The following RGS22 variants were observed in gnomAD, a reference collection of about 807,000 sequenced individuals.
RGS22 encodes the protein regulator of G protein signaling 22.
A neutral mutation model predicts 172.9 loss-of-function variants in RGS22; 148 were observed. The observed-to-expected ratio is 0.86, with a 90% CI of 0.75 to 0.98. The LOEUF (loss-of-function observed/expected upper bound fraction) is 0.98. Ranked by LOEUF, RGS22 falls within the 50% of genes least tolerant of loss-of-function variation. The pLI is 0.00. For synonymous variants in RGS22, 458 were observed against 480.2 expected (o/e 0.95, Z 0.60); for missense variants, 1,347 against 1,440.8 (o/e 0.93, Z 1.05).
At chr8:99,987,165 G>A (rs1175507812) in intron 21 of RGS22, among the ~76,000 whole-genome samples, 1 of 152,086 alleles carries the variant, frequency 6.6e-6, no homozygotes, top group Non-Finnish European at 1.5e-5. Flanking sequence ...TAAGTATCAT[G>A]TTGGCACTCA....
At chr8:100,043,199 T>G (rs1820327500) in intron 11 of RGS22, among the ~76,000 whole-genome samples, 2 of 152,208 alleles carry the variant, frequency 1.3e-5, no homozygotes, top group Non-Finnish European at 2.9e-5. Flanking sequence ...AAATCATTCT[T>G]GGTATGAACA....
intron 14 of RGS22, among the ~76,000 whole-genome samples, chr8:100,023,354 C>T (rs948692248): frequency 6.6e-6 from 1 of 152,112 alleles, no homozygotes; most frequent in African/African-American, 2.4e-5. Flanking sequence ...TCAAGGTCTG[C>T]CTCTGAGACA....
intron 14 of RGS22, among the ~76,000 whole-genome samples, chr8:100,013,967 T>G (rs1219935396): frequency 2.0e-5 from 3 of 152,218 alleles, no homozygotes; most frequent in African/African-American, 7.2e-5. Context: ...ATCAAAAAGT[T>G]TGTTACATTT....
At chr8:100,023,121 A>T (rs1356532603) in intron 14 of RGS22, among the ~76,000 whole-genome samples, 1 of 152,208 alleles carries the variant, frequency 6.6e-6, no homozygotes, top group Non-Finnish European at 1.5e-5. Flanking sequence ...GATACATGAA[A>T]CCAGAGTATC....
chr8:100,076,551 T>C (rs753601322), intron 4 of RGS22, among the ~76,000 whole-genome samples: 1 of 152,242 alleles, frequency 6.6e-6, no homozygotes, highest in Non-Finnish European at 1.5e-5. Flanking sequence ...CTTTTAAGTG[T>C]TTGACAGAAT....
intron 11 of RGS22, among the ~76,000 whole-genome samples, chr8:100,043,073 T>G (rs1202082598): frequency 6.6e-6 from 1 of 152,230 alleles, no homozygotes; most frequent in Non-Finnish European, 1.5e-5. Context: ...CCCTAATCTT[T>G]CTGATCTATT....
chr8:100,002,338 A>G lies in RGS22; in HGVS notation c.2654T>C (p.Ile885Thr), dbSNP rs767130882. The G allele has an allele frequency of 1.2e-6, 2 of 1,610,726 alleles. No individual in the cohort carries two copies. The highest frequency in any genetic ancestry group is 1.7e-6 in the Non-Finnish European group (2 of 1,179,122). Reference protein sequence around the residue: ...SSMDLMCWTDIEQFRRITYRD... With the variant: ...SSMDLMCWTDTEQFRRITYRD... ...GTAAGTTATTCTCCGGAACTGCTCA[A>G]TGTCTGTCCAGCACATAAGATCCAT... is the stretch of plus-strand genomic sequence containing the variant. Residue 885 changes from isoleucine (I) to threonine (T), a missense_variant, in exon 18 of 28, where the codon ATT becomes ACT. By Grantham distance (89) the Ile-to-Thr change is moderately conservative. Coordinates refer to ENST00000360863, the MANE Select transcript of RGS22 (RefSeq NM_015668.5).
chr8:100,091,272 A>G (rs1474839221), intron 3 of RGS22, among the ~76,000 whole-genome samples: 2 of 150,734 alleles, frequency 1.3e-5, no homozygotes, highest in African/African-American at 4.9e-5. Context: ...TGTGATCCTG[A>G]ATGTAGATGC....
At chr8:100,077,988 G>A (rs1019813918) in intron 4 of RGS22, among the ~76,000 whole-genome samples, 10 of 151,992 alleles carry the variant, frequency 6.6e-5, no homozygotes, top group Admixed American at 1.3e-4. Context: ...TTTATCCATA[G>A]TAAGATTCCT....
intron 7 of RGS22, 130 bp downstream of exon 7, chr8:100,066,037 G>T: frequency 2.9e-6 from 2 of 692,364 alleles, no homozygotes; most frequent in Non-Finnish European, 4.4e-6. Context: ...AACATAGGAA[G>T]TCGAGTGAGG....
At chr8:100,086,509 C>G (rs1019963779) in intron 3 of RGS22, among the ~76,000 whole-genome samples, 1 of 151,880 alleles carries the variant, frequency 6.6e-6, no homozygotes, top group Non-Finnish European at 1.5e-5. Context: ...AACTAAACAT[C>G]GAGTGCTCAT....
intron 14 of RGS22, among the ~76,000 whole-genome samples, chr8:100,038,335 T>G (rs1055121968): frequency 4.4e-4 from 10 of 22,480 alleles, no homozygotes; most frequent in Non-Finnish European, 8.2e-4. Context: ...CCCCCTCTAT[T>G]TTTTTTTTTC....
At chr8:100,099,756 A>C (rs538524205) in intron 2 of RGS22, among the ~76,000 whole-genome samples, 2 of 152,340 alleles carry the variant, frequency 1.3e-5, no homozygotes, top group East Asian at 3.9e-4. Context: ...CACTTTACAA[A>C]GGACCTCTGG....
intron 3 of RGS22, among the ~76,000 whole-genome samples, chr8:100,087,602 G>A (rs539229094): frequency 6.6e-6 from 1 of 152,236 alleles, no homozygotes; most frequent in African/African-American, 2.4e-5. Flanking sequence ...TAGCTGAACA[G>A]TATTTAAATT....
At chr8:100,101,593 CTAAATTTTAATGTG>C (rs1813495227) in intron 2 of RGS22, among the ~76,000 whole-genome samples, 1 of 151,466 alleles carries the variant, frequency 6.6e-6, no homozygotes, top group Non-Finnish European at 1.5e-5. Context: ...GCGCCCAGCC[CTAAATTTTAATGTG>C]TAAATTTTGT....
chr8:100,043,267 C>A (rs1372522022), intron 11 of RGS22, among the ~76,000 whole-genome samples: 2 of 152,166 alleles, frequency 1.3e-5, no homozygotes, highest in Admixed American at 6.6e-5. Context: ...CAGGAAGAAG[C>A]GCCCCACCTC....
At chr8:100,102,111 C>T (rs1813540902) in intron 2 of RGS22, among the ~76,000 whole-genome samples, 1 of 152,136 alleles carries the variant, frequency 6.6e-6, no homozygotes, top group African/African-American at 2.4e-5. Context: ...AGAAAAAGGG[C>T]TCATTCTTTC....
At chr8:100,059,666 G>C (rs984957415) in intron 9 of RGS22, among the ~76,000 whole-genome samples, 2 of 152,136 alleles carry the variant, frequency 1.3e-5, no homozygotes, top group Non-Finnish European at 1.5e-5. Context: ...ACTACAAAGA[G>C]AGATAGGTCC....
chr8:100,096,173 AAG>A (rs1812951340), intron 2 of RGS22, among the ~76,000 whole-genome samples: 1 of 152,220 alleles, frequency 6.6e-6, no homozygotes, highest in South Asian at 2.1e-4. Context: ...GTCACTCTCA[AAG>A]AGTTTCCACA....
Sources: gnomAD v4.1 joint callset for allele counts (sites outside exome capture counted in the v4.1 genomes callset) on GRCh38, gnomAD v4.1.1 for gene constraint, MANE v1.5 for transcripts, NCBI Gene and HGNC (gene_info 2026-07-23, HGNC 2026-07-21) for gene names.